Variants in TYRO3 observed in about 807,000 individuals in gnomAD.
TYRO3 encodes tyrosine-protein kinase receptor TYRO3.
Under a neutral mutation model 95.2 loss-of-function variants are expected in TYRO3, and 38 were observed. The observed-to-expected ratio is 0.40, with a 90% CI of 0.31 to 0.52. TYRO3 has a LOEUF of 0.52. Ranked by LOEUF, TYRO3 falls within the 20% of genes least tolerant of loss-of-function variation. The pLI, the probability that TYRO3 is intolerant of heterozygous loss-of-function variation, is 0.56. For missense variants in TYRO3, 812 were observed against 1,116.4 expected, an observed-to-expected ratio of 0.73 and a Z score of 3.89; for synonymous variants, 367 against 432.9, an observed-to-expected ratio of 0.85 and a Z score of 1.89.
At position 41,578,732 on chromosome 15, in the gene TYRO3, T is replaced by G; in HGVS notation, c.*456T>G. The G allele has an allele frequency of 5.2e-6, 1 of 193,780 alleles. No individual in the cohort carries two copies. Among genetic ancestry groups the G allele is most frequent in the South Asian group, 1.3e-4 (1 of 7,738 alleles). 12.0% of individuals were successfully genotyped at this position (193,780 alleles called of 1,614,324 possible). On this transcript the variant is annotated 3_prime_UTR_variant, in exon 19 of 19. Coordinates refer to ENST00000263798, the MANE Select transcript of TYRO3 (RefSeq NM_006293.4). ...GGGTTTAAATATCCAGGTGTGCCCC[T>G]CCAAGTCACAAAGAGATGTCCTTGT...
At chr15:41,573,848 AAGGGGAATC>A in intron 18 of TYRO3, 33 bp downstream of exon 18, 1 of 1,607,706 alleles carries the variant, frequency 6.2e-7, no homozygotes, top group Non-Finnish European at 8.5e-7. Context: ...TCTGGAAGGA[AAGGGGAATC>A]TGGAGTTTTG....
At position 41,570,299 on chromosome 15, in the gene TYRO3, G is replaced by A. The variant is rs372847154; in HGVS notation, c.1442G>A (p.Arg481Gln). Reference protein sequence around the residue: ...GEPAVHFRAARSFNRERPERI... With the variant: ...GEPAVHFRAAQSFNRERPERI... ...CCAGCCGTTCACTTCCGGGCAGCCC[G>A]GTCCTTCAATCGAGAAAGGCCCGAG... The change falls in exon 11 of 19, where the codon CGG becomes CAG. Residue 481 changes from arginine (R) to glutamine (Q), a missense_variant. Transcript: ENST00000263798. The A allele has an allele frequency of 3.3e-5, 53 of 1,614,026 alleles. No individual in the cohort carries two copies. The highest frequency in any genetic ancestry group is 4.2e-5 in the Non-Finnish European group (49 of 1,180,028).
At position 41,561,329 on chromosome 15, in the gene TYRO3, A is replaced by C; in HGVS notation, c.308+19A>C. On this transcript the variant is annotated intron_variant, in intron 2 of 18. Transcript: ENST00000263798. ...TCCTCAGGTGCAGGCCTGTGGGGGAAGGTGTGGGCTGCCAGCCAGGGGGCA... is the reference window on the plus strand; with the variant it reads ...TCCTCAGGTGCAGGCCTGTGGGGGACGGTGTGGGCTGCCAGCCAGGGGGCA... 1.5e-6 allele frequency: 2 copies of C among 1,311,438 alleles called. No individual in the cohort carries two copies. The highest frequency in any genetic ancestry group is 2.1e-6 in the Non-Finnish European group (2 of 964,580). 81.2% of individuals were successfully genotyped at this position (1,311,438 alleles called of 1,614,324 possible).
intron 4 of TYRO3, among the ~76,000 whole-genome samples, chr15:41,562,966 A>C (rs1298801449): frequency 1.3e-5 from 2 of 152,156 alleles, no homozygotes; most frequent in Non-Finnish European, 2.9e-5. Context: ...GGTTCACAGC[A>C]GTCCAGGCCA....
At chr15:41,575,364 G>A (rs2055846877) in intron 18 of TYRO3, among the ~76,000 whole-genome samples, 1 of 152,238 alleles carries the variant, frequency 6.6e-6, no homozygotes, top group South Asian at 2.1e-4. Context: ...CGCTGTAGAA[G>A]CTCTGAAGGG....
At chr15:41,567,312 T>G in intron 6 of TYRO3, 48 bp from the exon 7 acceptor site, 1 of 1,405,834 alleles carries the variant, frequency 7.1e-7, no homozygotes, top group Non-Finnish European at 9.3e-7. Context: ...CCATCTTCCA[T>G]CTCTCACAGG....
At chr15:41,568,387 C>T in intron 8 of TYRO3, 25 bp downstream of exon 8, 1 of 1,584,266 alleles carries the variant, frequency 6.3e-7, no homozygotes, top group Non-Finnish European at 8.6e-7. Context: ...TCCCCTCTCT[C>T]CACTCTCCTG....
At chr15:41,570,207 G>A (rs759948466) in intron 10 of TYRO3, 33 bp from the exon 11 acceptor site, 1 of 991,880 alleles carries the variant, frequency 1.0e-6, no homozygotes, top group Admixed American at 2.1e-5. Context: ...GAAAGACCTT[G>A]GAGCTGACCC....
chr15:41,571,808 A>G, intron 14 of TYRO3, 121 bp downstream of exon 14: 1 of 598,010 alleles, frequency 1.7e-6, no homozygotes, highest in Non-Finnish European at 3.0e-6. Context: ...AGATGGCAAA[A>G]TAGCAAGGAG....
chr15:41,582,304 G>A lies in TYRO3; in HGVS notation c.*4028G>A, dbSNP rs1442875145. 1 of 152,196 alleles carries A rather than the reference G, an allele frequency of 6.6e-6. No individual in the cohort carries two copies. The highest frequency in any genetic ancestry group is 1.5e-5 in the Non-Finnish European group (1 of 68,044). The allele number at this position is 152,196 out of a possible 1,614,324, so 9.4% of individuals were successfully genotyped here. ...CCGAGGCGGGCGGATCACAAGGTCAGGAGTTTGAGACCAGCCTGGCTAACA... is the reference window on the plus strand; with the variant it reads ...CCGAGGCGGGCGGATCACAAGGTCAAGAGTTTGAGACCAGCCTGGCTAACA... On this transcript the variant is annotated 3_prime_UTR_variant, in exon 19 of 19. Transcript: ENST00000263798.
chr15:41,574,836 C>T (rs2055841679), intron 18 of TYRO3: 2 of 432,996 alleles, frequency 4.6e-6, no homozygotes, highest in South Asian at 3.3e-5. Context: ...CCTCCCTCCC[C>T]AGCCTTCCAA....
chr15:41,564,131 C>A, intron 4 of TYRO3, 53 bp from the exon 5 acceptor site: 2 of 1,521,106 alleles, frequency 1.3e-6, no homozygotes, highest in South Asian at 1.1e-5. Flanking sequence ...TTCCCAGTCC[C>A]GCACTGAGTG....
chr15:41,572,996 C>T lies in TYRO3; in HGVS notation c.1876-6C>T, dbSNP rs755652453. ...TAAGCCTGAGCTTGGCCTGTCTGTCCACTAGAACCTACCCCTCCAGACCCT... is the reference window on the plus strand; with the variant it reads ...TAAGCCTGAGCTTGGCCTGTCTGTCTACTAGAACCTACCCCTCCAGACCCT... On this transcript the variant is annotated splice_region_variant and splice_polypyrimidine_tract_variant and intron_variant, in intron 15 of 18. Coordinates refer to ENST00000263798, the MANE Select transcript of TYRO3 (RefSeq NM_006293.4). 3 of 1,613,026 alleles carry T rather than the reference C, an allele frequency of 1.9e-6. No individual in the cohort carries two copies. The highest frequency in any genetic ancestry group is 2.2e-5 in the East Asian group (1 of 44,826).
At chr15:41,570,793 G>A (rs1014228056) in intron 12 of TYRO3, 94 bp downstream of exon 12, 7 of 1,265,948 alleles carry the variant, frequency 5.5e-6, no homozygotes, top group South Asian at 2.5e-5. Context: ...GGTTTGGGTC[G>A]GTTGCCGTAA....
chr15:41,560,428 T>TGTGGGCGCGC (rs1408766845), intron 1 of TYRO3, among the ~76,000 whole-genome samples: 1 of 135,256 alleles, frequency 7.4e-6, no homozygotes, highest in African/African-American at 3.0e-5. Flanking sequence ...TGTGTGTGTG[T>TGTGGGCGCGC]GCGCGCGCGC....
In TYRO3 at chr15:41,564,976, G is replaced by A. The variant is rs1010619141; in HGVS notation, c.668-50G>A. The A allele has an allele frequency of 2.3e-6, 3 of 1,278,848 alleles. No individual in the cohort carries two copies. The Admixed American group carries it at 5.2e-5, about 22-fold the overall frequency. 79.2% of individuals were successfully genotyped at this position (1,278,848 alleles called of 1,614,324 possible). ...AGGCTTGACTCCCATGCCTCCTGCT[G>A]CCTCTGCTCATATCCCTACTGGGCA... On this transcript the variant is annotated intron_variant, in intron 5 of 18. Transcript: ENST00000263798.
rs960199906 is a variant in TYRO3, at chr15:41,577,728, A to AC, written c.2283-152dup. The AC allele has an allele frequency of 8.8e-6, 6 of 678,082 alleles. No homozygotes were observed. The Admixed American group carries it at 8.9e-5, about 10-fold the overall frequency. 42.0% of individuals were successfully genotyped at this position (678,082 alleles called of 1,614,324 possible). On this transcript the variant is annotated intron_variant, in intron 18 of 18. Coordinates refer to ENST00000263798, the MANE Select transcript of TYRO3 (RefSeq NM_006293.4). ...TCTCGAACTCCTGGGCTCAAATAATACCCCCCTTCGGCCTCCCAAAGTGTT... is the reference window on the plus strand; with the variant it reads ...TCTCGAACTCCTGGGCTCAAATAATACCCCCCCTTCGGCCTCCCAAAGTGTT...
intron 13 of TYRO3, 42 bp downstream of exon 13, chr15:41,571,160 G>A (rs779050251): frequency 3.1e-6 from 5 of 1,591,124 alleles, no homozygotes; most frequent in African/African-American, 2.7e-5. Context: ...TCACTTGGAA[G>A]GGTAAGAGGG....
chr15:41,566,675 A>G (rs1347648341), intron 6 of TYRO3, among the ~76,000 whole-genome samples: 1 of 152,232 alleles, frequency 6.6e-6, no homozygotes, highest in Non-Finnish European at 1.5e-5. Flanking sequence ...GAGGCCCCTC[A>G]TGGTGCAGAC....
Sources: gnomAD v4.1 joint callset for allele counts (sites outside exome capture counted in the v4.1 genomes callset) on GRCh38, gnomAD v4.1.1 for gene constraint, MANE v1.5 for transcripts, NCBI Gene and HGNC (gene_info 2026-07-23, HGNC 2026-07-21) for gene names.